FTCD: variants seen among roughly 807,000 people sequenced by gnomAD.
FTCD encodes the protein formimidoyltransferase-cyclodeaminase.
Under a neutral mutation model 62.9 loss-of-function variants are expected in FTCD, and 76 were observed. The ratio of observed to expected loss-of-function variants is 1.21; its 90% CI spans 1.00 to 1.46. The LOEUF (loss-of-function observed/expected upper bound fraction) is 1.46, where lower values mean the gene tolerates loss of function less well. FTCD is among the 40% of genes most tolerant of loss of function. FTCD has a pLI of 0.00. For missense variants in FTCD, 845 were observed against 751.3 expected, an observed-to-expected ratio of 1.12 and a Z score of -1.46; for synonymous variants, 397 against 336.9, an observed-to-expected ratio of 1.18 and a Z score of -1.95.
At chr21:46,151,536 T>C (rs2079274354) in intron 5 of FTCD, 22 bp downstream of exon 5, 2 of 1,603,256 alleles carry the variant, frequency 1.2e-6, no homozygotes, top group East Asian at 2.2e-5. Flanking sequence ...TGGGGCTCCA[T>C]GGGGTCAGTG....
rs758989323 is a variant in FTCD, at chr21:46,154,339, C to A, written c.55-7G>T. Reference sequence around the variant, plus strand: ...CAGAGATGGCGTCGATCACCTGGGACACAGGCCCGGCCCCCACACCTCAGT... The same window carrying A: ...CAGAGATGGCGTCGATCACCTGGGAAACAGGCCCGGCCCCCACACCTCAGT... On this transcript the variant is annotated splice_region_variant and splice_polypyrimidine_tract_variant and intron_variant, in intron 1 of 13. Transcript: ENST00000397746. 30 of 1,607,560 alleles carry A rather than the reference C, an allele frequency of 1.9e-5. No individual in the cohort carries two copies. The highest frequency in any genetic ancestry group is 2.7e-5 in the African/African-American group (2 of 74,780).
At chr21:46,141,091 T>A (rs2839125) in intron 10 of FTCD, among the ~76,000 whole-genome samples, 1 of 152,150 alleles carries the variant, frequency 6.6e-6, no homozygotes, top group African/African-American at 2.4e-5. Flanking sequence ...TTTTAATTAT[T>A]CACCTTATTT....
chr21:46,146,125 T>A, intron 8 of FTCD, 141 bp downstream of exon 8: 1 of 759,406 alleles, frequency 1.3e-6, no homozygotes, highest in East Asian at 2.7e-5. Context: ...AGACCCCGGC[T>A]TGGCGCAGGC....
At position 46,150,569 on chromosome 21, in the gene FTCD, C is replaced by T. The variant is rs376703526; in HGVS notation, c.637-44G>A. Reference sequence around the variant, plus strand: ...CCCCAGCCTGGACTAGGAAGCTCATCCTGCCTGGCCCTGCCAGTCTCTCCT... The same window carrying T: ...CCCCAGCCTGGACTAGGAAGCTCATTCTGCCTGGCCCTGCCAGTCTCTCCT... On this transcript the variant is annotated intron_variant, in intron 5 of 13. Transcript: ENST00000397746. 4.1e-4 allele frequency: 659 copies of T among 1,600,832 alleles called. 10 individuals are homozygous for T. In the South Asian group the frequency reaches 5.9e-3, roughly 14 times the overall value.
intron 3 of FTCD, chr21:46,152,487 G>A (rs372920572): frequency 3.5e-5 from 7 of 199,574 alleles, no homozygotes; most frequent in East Asian, 1.3e-4. Flanking sequence ...GCACGCTGGC[G>A]TGACTGTGAC....
chr21:46,144,248 T>C (rs2079076091), intron 10 of FTCD, among the ~76,000 whole-genome samples: 1 of 151,102 alleles, frequency 6.6e-6, no homozygotes, highest in Non-Finnish European at 1.5e-5. Context: ...GTGGTAGTGG[T>C]CCCCCGGGCC....
Position 46,136,850 on chromosome 21 carries a change from C to A in FTCD, c.*137G>T. On this transcript the variant is annotated 3_prime_UTR_variant, in exon 14 of 14. Transcript: ENST00000397746. ...CTGTCCCTGCCAGCGCCTCCATTCC[C>A]AGGCGATGCCCCGCTGCCTGCCCAC... The A allele has an allele frequency of 6.4e-7, 1 of 1,552,826 alleles. No homozygotes were observed. Among genetic ancestry groups the A allele is most frequent in the Admixed American group, 2.0e-5 (1 of 51,160 alleles).
intron 7 of FTCD, among the ~76,000 whole-genome samples, chr21:46,147,289 GAAA>G (rs35123061): frequency 6.8e-6 from 1 of 147,826 alleles, no homozygotes; most frequent in Non-Finnish European, 1.5e-5. Context: ...GGTGAAGCAG[GAAA>G]AAAAAAAAAA....
At chr21:46,151,366 C>T (rs1171117217) in intron 5 of FTCD, among the ~76,000 whole-genome samples, 192 bp downstream of exon 5, 5 of 152,236 alleles carry the variant, frequency 3.3e-5, no homozygotes, top group Non-Finnish European at 2.9e-5. Flanking sequence ...AGCTTCACTC[C>T]GCCCCTGACC....
chr21:46,154,751 G>A (rs969950509), intron 1 of FTCD, among the ~76,000 whole-genome samples: 1 of 152,268 alleles, frequency 6.6e-6, no homozygotes, highest in Non-Finnish European at 1.5e-5. Flanking sequence ...AGAACCTTCC[G>A]GGTGGCAGGA....
At position 46,146,138 on chromosome 21, in the gene FTCD, A is replaced by T. The variant is rs1286269716; in HGVS notation, c.968+128T>A. The T allele has an allele frequency of 5.0e-6, 4 of 794,138 alleles. No homozygotes were observed. The Admixed American group carries it at 8.7e-5, about 17-fold the overall frequency. The allele number at this position is 794,138 out of a possible 1,614,324, so 49.2% of individuals were successfully genotyped here. A position where few individuals can be genotyped will look rare whatever the true frequency, so the allele number is the denominator to read the frequency against. On this transcript the variant is annotated intron_variant, in intron 8 of 13. Transcript: ENST00000397746. ...CCAGACCCCGGCTTGGCGCAGGCCG[A>T]GTAGGCGCCCAAAGGGAGGCGCTGG...
chr21:46,146,411 C>G, intron 7 of FTCD, 84 bp from the exon 8 acceptor site: 1 of 922,080 alleles, frequency 1.1e-6, no homozygotes, highest in Non-Finnish European at 1.7e-6. Flanking sequence ...CCCACCCTTG[C>G]GGCAGCCGCC....
At chr21:46,137,386 G>C (rs566214578) in intron 12 of FTCD, 52 bp from the exon 13 acceptor site, 2 of 1,349,338 alleles carry the variant, frequency 1.5e-6, no homozygotes, top group African/African-American at 1.4e-5. Flanking sequence ...GCAAACTGCC[G>C]GAAGGAGGGT....
chr21:46,152,744 T>G, intron 3 of FTCD, 163 bp downstream of exon 3: 1 of 613,514 alleles, frequency 1.6e-6, no homozygotes, highest in Non-Finnish European at 2.7e-6. Flanking sequence ...GAGGCTGCGT[T>G]TATTTCGGTA....
intron 10 of FTCD, among the ~76,000 whole-genome samples, chr21:46,139,929 A>C (rs2078957522): frequency 6.6e-6 from 1 of 152,202 alleles, no homozygotes; most frequent in Admixed American, 6.5e-5. Context: ...ATCTTGGCCA[A>C]GGGTGTGCTT....
intron 3 of FTCD, chr21:46,152,517 T>G: frequency 5.1e-6 from 1 of 197,694 alleles, no homozygotes; most frequent in Non-Finnish European, 1.0e-5. Flanking sequence ...TGCCTCGGGA[T>G]TTCTTTCCAG....
intron 5 of FTCD, 60 bp downstream of exon 5, chr21:46,151,498 G>T: frequency 6.8e-7 from 1 of 1,481,164 alleles, no homozygotes; most frequent in Non-Finnish European, 9.4e-7. Flanking sequence ...GAGGCTCTCA[G>T]CCTCTAACCC....
rs532411958 is a variant in FTCD at position 46,145,929 on chromosome 21, G to A, written c.987C>T (p.Arg329=). The change falls in exon 9 of 14, where the codon CGC becomes CGT. Residue 329 remains arginine, a synonymous_variant. Coordinates refer to ENST00000397746, the MANE Select transcript of FTCD (RefSeq NM_206965.2). The part of the protein sequence containing the change: ...ERIIEYLVPE[R]GPERGLGSKS... The stretch of plus-strand genomic sequence containing the variant: ...TGCTGCCCAGGCCTCGCTCAGGCCC[G>A]CGCTCAGGGACCAGGTACCTGCAGG... The A allele has an allele frequency of 4.7e-6, 7 of 1,503,326 alleles. No individual in the cohort carries two copies. Among genetic ancestry groups the A allele is most frequent in the East Asian group, 2.7e-5 (1 of 37,322 alleles). The allele number at this position is 1,503,326 out of a possible 1,614,324, so 93.1% of individuals were successfully genotyped here. A position where few individuals can be genotyped will look rare whatever the true frequency, so the allele number is the denominator to read the frequency against.
intron 10 of FTCD, among the ~76,000 whole-genome samples, chr21:46,139,612 A>G (rs2078950138): frequency 6.6e-6 from 1 of 152,184 alleles, no homozygotes; most frequent in African/African-American, 2.4e-5. Flanking sequence ...CCAGAAAGTC[A>G]TCATCAACAG....
Sources: allele counts gnomAD v4.1 joint callset (sites outside exome capture counted in the v4.1 genomes callset), GRCh38; gene constraint gnomAD v4.1.1; transcripts MANE v1.5; gene names NCBI Gene and HGNC (gene_info 2026-07-23, HGNC 2026-07-21).